Variants in TINAG observed in about 807,000 individuals in gnomAD.
TINAG encodes the protein tubulointerstitial nephritis antigen.
TINAG carries 83 observed loss-of-function variants against 72.7 expected under a neutral mutation model. That is an observed-to-expected ratio of 1.14 (90% CI 0.96 to 1.37). TINAG has a LOEUF of 1.37. Ranked by LOEUF, TINAG falls within the 40% of genes most tolerant of loss-of-function variation. The pLI is 0.00. For synonymous variants in TINAG, 234 were observed against 189.9 expected (o/e 1.23, Z -1.91); for missense variants, 685 against 576.6 (o/e 1.19, Z -1.93).
Position 54,326,920 on chromosome 6 carries a change from A to T in TINAG, c.624+4A>T. On this transcript the variant is annotated splice_donor_region_variant and intron_variant, in intron 4 of 10. Coordinates refer to ENST00000259782, the MANE Select transcript of TINAG (RefSeq NM_014464.4). ...CCTGAGCATGAATGAAATGACAGTA[A>T]GTGTTCCTTCTGATTCACGTATGTG... 1 of 1,613,162 alleles carries T rather than the reference A, an allele frequency of 6.2e-7. No individual in the cohort carries two copies.
rs139720660 is a variant in TINAG, at chr6:54,389,865, C to A, written c.1371C>A (p.Ser457=). The A allele has an allele frequency of 1.9e-6, 3 of 1,609,702 alleles. No homozygotes were observed. The highest frequency in any genetic ancestry group is 2.5e-6 in the Non-Finnish European group (3 of 1,178,228). ...GGATTCTTCGAGGAGTAAATGAGTCCGACATTGAAAAGTTGATTATCGCAG... is the reference window on the plus strand; with the variant it reads ...GGATTCTTCGAGGAGTAAATGAGTCAGACATTGAAAAGTTGATTATCGCAG... The part of the protein sequence containing the change: ...YFRILRGVNE[S]DIEKLIIAAW... The change falls in exon 11 of 11, where the codon TCC becomes TCA. Residue 457 remains serine, a synonymous_variant. Transcript: ENST00000259782.
chr6:54,336,138 C>A (rs1246215922), intron 4 of TINAG, among the ~76,000 whole-genome samples: 2 of 152,134 alleles, frequency 1.3e-5, no homozygotes, highest in South Asian at 2.1e-4. Flanking sequence ...TCTCCTTCTG[C>A]ACAAAATGAC....
chr6:54,343,383 C>G (rs1562162802), intron 5 of TINAG, 34 bp downstream of exon 5: 1 of 1,452,508 alleles, frequency 6.9e-7, no homozygotes, highest in African/African-American at 1.4e-5. Flanking sequence ...TCCTTATAAA[C>G]TACTCCTTTT....
intron 9 of TINAG, chr6:54,365,523 G>A (rs1184710908): frequency 1.3e-5 from 2 of 151,400 alleles, no homozygotes; most frequent in Non-Finnish European, 3.0e-5. Context: ...ATCCAGCCTA[G>A]GGACAATGAA....
At chr6:54,371,981 G>GTTTTTTTTTTTTTTT (rs576340253) in intron 9 of TINAG, among the ~76,000 whole-genome samples, 3 of 71,420 alleles carry the variant, frequency 4.2e-5, no homozygotes, top group African/African-American at 1.5e-4. Flanking sequence ...TTCAAGTCAT[G>GTTTTTTTTTTTTTTT]TTTTTTTTTT....
chr6:54,310,602 T>C (rs980095164), intron 1 of TINAG, among the ~76,000 whole-genome samples: 1 of 143,250 alleles, frequency 7.0e-6, no homozygotes, highest in African/African-American at 2.8e-5. Context: ...TTCTTTTCTT[T>C]CTCTCTCTCT....
At chr6:54,346,499 T>A (rs932869120) in intron 5 of TINAG, among the ~76,000 whole-genome samples, 6 of 151,528 alleles carry the variant, frequency 4.0e-5, no homozygotes, top group African/African-American at 1.5e-4. Flanking sequence ...GCATCACATA[T>A]AATCAGTTAC....
intron 9 of TINAG, among the ~76,000 whole-genome samples, chr6:54,354,936 G>C (rs1440023089): frequency 2.0e-5 from 3 of 151,818 alleles, no homozygotes; most frequent in Non-Finnish European, 4.4e-5. Context: ...GCATAATCAA[G>C]GGAAGAGAGC....
At chr6:54,325,316 A>G (rs1194842187) in intron 3 of TINAG, among the ~76,000 whole-genome samples, 1 of 152,240 alleles carries the variant, frequency 6.6e-6, no homozygotes, top group South Asian at 2.1e-4. Flanking sequence ...ATTCATATCT[A>G]TGTTCTCCGT....
chr6:54,367,458 C>A (rs913383379), intron 9 of TINAG, among the ~76,000 whole-genome samples: 14 of 151,718 alleles, frequency 9.2e-5, no homozygotes, highest in African/African-American at 3.4e-4. Context: ...GTGGAGACAG[C>A]TACATGGACA....
chr6:54,382,254 T>G (rs138235057), intron 10 of TINAG, among the ~76,000 whole-genome samples: 2,190 of 152,208 alleles, frequency 0.014, 51 homozygotes, highest in African/African-American at 0.05. Flanking sequence ...AGACTAAAAT[T>G]TATAATATTT....
At chr6:54,349,669 G>T in intron 6 of TINAG, 47 bp from the exon 7 acceptor site, 1 of 1,413,208 alleles carries the variant, frequency 7.1e-7, no homozygotes, top group East Asian at 2.5e-5. Flanking sequence ...AGGATATTAC[G>T]ACATTCTCCT....
intron 4 of TINAG, among the ~76,000 whole-genome samples, chr6:54,330,994 C>T (rs1436529202): frequency 6.6e-6 from 1 of 152,034 alleles, no homozygotes; most frequent in Non-Finnish European, 1.5e-5. Context: ...AAGTCTAGGA[C>T]CAGACGAATT....
At chr6:54,361,880 A>G (rs2150968044) in intron 9 of TINAG, among the ~76,000 whole-genome samples, 1 of 151,832 alleles carries the variant, frequency 6.6e-6, no homozygotes, top group Admixed American at 6.6e-5. Flanking sequence ...ACTGGAAAGA[A>G]GATCAAACAA....
chr6:54,322,342 AACAAGAAAC>A (rs1404837676), intron 3 of TINAG, among the ~76,000 whole-genome samples: 2 of 150,564 alleles, frequency 1.3e-5, no homozygotes, highest in East Asian at 1.9e-4. Context: ...ACAAAAAAAA[AACAAGAAAC>A]ATAAAAAGAT....
At chr6:54,314,674 AT>A (rs1180171002) in intron 1 of TINAG, among the ~76,000 whole-genome samples, 7 of 152,232 alleles carry the variant, frequency 4.6e-5, no homozygotes, top group Non-Finnish European at 5.9e-5. Context: ...TCAATTTAAT[AT>A]TTTTTTGAGT....
intron 1 of TINAG, among the ~76,000 whole-genome samples, chr6:54,313,303 C>T (rs964908201): frequency 2.6e-5 from 4 of 152,034 alleles, no homozygotes; most frequent in African/African-American, 7.3e-5. Context: ...AGTTAGGGAT[C>T]GTATTCCTGT....
chr6:54,371,309 T>A (rs1229160109), intron 9 of TINAG, among the ~76,000 whole-genome samples: 1 of 152,050 alleles, frequency 6.6e-6, no homozygotes, highest in East Asian at 1.9e-4. Context: ...TCTCTCTACA[T>A]CATGGTTTTC....
chr6:54,368,148 C>A (rs562029450), intron 9 of TINAG, among the ~76,000 whole-genome samples: 201 of 150,832 alleles, frequency 1.3e-3, no homozygotes, highest in Non-Finnish European at 2.3e-3. Flanking sequence ...AATTTTATTT[C>A]TGATGGTTTT....
Sources: allele counts gnomAD v4.1 joint callset (sites outside exome capture counted in the v4.1 genomes callset), GRCh38; gene constraint gnomAD v4.1.1; transcripts MANE v1.5; gene names NCBI Gene and HGNC (gene_info 2026-07-23, HGNC 2026-07-21).